Variants in ZFAND3 observed in about 807,000 individuals in gnomAD.
ZFAND3 encodes the protein zinc finger AN1-type containing 3.
ZFAND3 carries 10 observed loss-of-function variants against 29.6 expected under a neutral mutation model. That is an observed-to-expected ratio of 0.34 (90% CI 0.21 to 0.57). The LOEUF (loss-of-function observed/expected upper bound fraction) is 0.57. ZFAND3 is among the 20% of genes least tolerant of loss of function. ZFAND3 has a pLI of 0.86. For missense variants in ZFAND3, 230 were observed against 304.5 expected, an observed-to-expected ratio of 0.76 and a Z score of 1.82; for synonymous variants, 128 against 112.6, an observed-to-expected ratio of 1.14 and a Z score of -0.87.
intron 2 of ZFAND3, among the ~76,000 whole-genome samples, chr6:38,031,151 G>A (rs1763551867): frequency 1.3e-5 from 2 of 152,122 alleles, no homozygotes; most frequent in Non-Finnish European, 2.9e-5. Flanking sequence ...TTTTCACTAC[G>A]TAGTTTTTTG....
At chr6:37,828,677 C>G (rs1763802225) in intron 1 of ZFAND3, among the ~76,000 whole-genome samples, 1 of 150,394 alleles carries the variant, frequency 6.6e-6, no homozygotes, top group East Asian at 1.9e-4. Context: ...GAGACGGAGT[C>G]TCGCTGTGTC....
intron 1 of ZFAND3, among the ~76,000 whole-genome samples, chr6:37,836,556 G>T (rs1160866791): frequency 6.6e-6 from 1 of 152,184 alleles, no homozygotes; most frequent in Non-Finnish European, 1.5e-5. Flanking sequence ...GGTCCTAGAA[G>T]AACTTGAGTA....
At chr6:37,902,282 AC>A (rs1343419161) in intron 1 of ZFAND3, among the ~76,000 whole-genome samples, 1 of 152,104 alleles carries the variant, frequency 6.6e-6, no homozygotes, top group Non-Finnish European at 1.5e-5. Flanking sequence ...AACAAAAAAT[AC>A]AAAATTATTG....
chr6:37,960,005 T>G (rs952627166), intron 2 of ZFAND3, among the ~76,000 whole-genome samples: 1 of 152,166 alleles, frequency 6.6e-6, no homozygotes, highest in African/African-American at 2.4e-5. Flanking sequence ...TCAAAATCCT[T>G]AAAGTCTAAT....
chr6:38,133,208 A>G (rs1017916990), intron 5 of ZFAND3, among the ~76,000 whole-genome samples: 2 of 152,166 alleles, frequency 1.3e-5, no homozygotes, highest in Non-Finnish European at 2.9e-5. Flanking sequence ...GCATATTGAA[A>G]TTGTCTGTTT....
intron 2 of ZFAND3, among the ~76,000 whole-genome samples, chr6:37,983,219 T>A (rs58698408): frequency 0.03 from 4,500 of 152,214 alleles, 177 homozygotes; most frequent in African/African-American, 0.085. Flanking sequence ...TGTGTACCGT[T>A]TATAAACCCC....
intron 2 of ZFAND3, among the ~76,000 whole-genome samples, chr6:37,947,446 A>T (rs995379928): frequency 6.6e-6 from 1 of 152,154 alleles, no homozygotes; most frequent in Admixed American, 6.6e-5. Context: ...CTCATTTGTC[A>T]AATTGGGGGT....
chr6:37,912,555 T>C (rs908363466), intron 1 of ZFAND3, among the ~76,000 whole-genome samples: 1 of 152,186 alleles, frequency 6.6e-6, no homozygotes, highest in African/African-American at 2.4e-5. Context: ...ATAAGGGTCA[T>C]TGATAATGCT....
chr6:37,943,234 G>GT (rs1206405792), intron 2 of ZFAND3, among the ~76,000 whole-genome samples: 5 of 152,182 alleles, frequency 3.3e-5, no homozygotes, highest in Admixed American at 2.6e-4. Flanking sequence ...GACGATCATT[G>GT]TAACAGTATT....
At chr6:37,947,498 A>T (rs971430696) in intron 2 of ZFAND3, among the ~76,000 whole-genome samples, 1 of 152,128 alleles carries the variant, frequency 6.6e-6, no homozygotes, top group South Asian at 2.1e-4. Flanking sequence ...GATGATATAG[A>T]TGAAATCTCT....
chr6:37,968,387 C>T (rs903721502), intron 2 of ZFAND3, among the ~76,000 whole-genome samples: 10 of 150,778 alleles, frequency 6.6e-5, no homozygotes, highest in African/African-American at 2.0e-4. Flanking sequence ...GGTGGGTTAG[C>T]GAATACTAGA....
intron 2 of ZFAND3, among the ~76,000 whole-genome samples, chr6:38,026,851 A>G (rs1200705515): frequency 6.6e-6 from 1 of 152,166 alleles, no homozygotes; most frequent in Non-Finnish European, 1.5e-5. Flanking sequence ...GGTTTGGGAC[A>G]CTATTTGGGA....
At chr6:38,051,120 A>G (rs944962101) in intron 2 of ZFAND3, among the ~76,000 whole-genome samples, 2 of 152,152 alleles carry the variant, frequency 1.3e-5, no homozygotes, top group Non-Finnish European at 2.9e-5. Context: ...GAGCATACAT[A>G]GGTGGGCAAG....
chr6:37,932,260 CAA>C (rs11322267), intron 2 of ZFAND3, among the ~76,000 whole-genome samples: 20 of 145,574 alleles, frequency 1.4e-4, no homozygotes, highest in Non-Finnish European at 1.8e-4. Context: ...GACTCTGTCT[CAA>C]AAAAAAAAAA....
chr6:37,877,110 G>A (rs191764930), intron 1 of ZFAND3, among the ~76,000 whole-genome samples: 14 of 152,240 alleles, frequency 9.2e-5, no homozygotes, highest in South Asian at 2.1e-4. Flanking sequence ...ACGTGCATGC[G>A]ACATTTTTAA....
intron 2 of ZFAND3, among the ~76,000 whole-genome samples, chr6:37,943,477 T>C (rs1761847919): frequency 6.6e-6 from 1 of 152,180 alleles, no homozygotes; most frequent in Non-Finnish European, 1.5e-5. Flanking sequence ...GACAGTGTTT[T>C]CCTTAACTCA....
intron 1 of ZFAND3, among the ~76,000 whole-genome samples, chr6:37,871,051 T>G (rs1185307657): frequency 6.6e-6 from 1 of 152,238 alleles, no homozygotes; most frequent in Non-Finnish European, 1.5e-5. Context: ...TGGTCATTAT[T>G]TCTCCAAATA....
chr6:37,882,616 C>T (rs1764916740), intron 1 of ZFAND3, among the ~76,000 whole-genome samples: 2 of 151,828 alleles, frequency 1.3e-5, no homozygotes, highest in South Asian at 2.1e-4. Flanking sequence ...CAATCCCCAC[C>T]ACCCCCATTT....
At chr6:37,954,103 CCT>C (rs1762045534) in intron 2 of ZFAND3, among the ~76,000 whole-genome samples, 1 of 151,748 alleles carries the variant, frequency 6.6e-6, no homozygotes, top group South Asian at 2.1e-4. Flanking sequence ...TATTTTTGTT[CCT>C]CCATATTTAA....
Sources: gnomAD v4.1 joint callset for allele counts (sites outside exome capture counted in the v4.1 genomes callset) on GRCh38, gnomAD v4.1.1 for gene constraint, MANE v1.5 for transcripts, NCBI Gene and HGNC (gene_info 2026-07-23, HGNC 2026-07-21) for gene names.